ME1: variants seen among roughly 807,000 people sequenced by gnomAD.
ME1 encodes NADP-dependent malic enzyme.
A neutral mutation model predicts 66.4 loss-of-function variants in ME1; 74 were observed. The ratio of observed to expected loss-of-function variants is 1.11; its 90% CI spans 0.92 to 1.35. The LOEUF is 1.35. Among genes scored for constraint, ME1 ranks in the 40% most tolerant of loss-of-function variants. The pLI is 0.00. For synonymous variants in ME1, 251 were observed against 235.6 expected, an observed-to-expected ratio of 1.07 and a Z score of -0.60; for missense variants, 750 against 694.1, an observed-to-expected ratio of 1.08 and a Z score of -0.90.
intron 6 of ME1, among the ~76,000 whole-genome samples, chr6:83,285,890 C>A (rs1325189307): frequency 6.6e-6 from 1 of 152,036 alleles, no homozygotes. Context: ...ACTGAATAAC[C>A]GAGTTTTCCA....
At chr6:83,330,444 C>A (rs1408931255) in intron 5 of ME1, among the ~76,000 whole-genome samples, 1 of 152,060 alleles carries the variant, frequency 6.6e-6, no homozygotes, top group Non-Finnish European at 1.5e-5. Context: ...TTAAAAAGTG[C>A]TAGAAATAAA....
chr6:83,422,265 G>C (rs944372771), intron 1 of ME1, among the ~76,000 whole-genome samples: 2 of 152,150 alleles, frequency 1.3e-5, no homozygotes, highest in African/African-American at 4.8e-5. Context: ...AATACAAACA[G>C]TACTACTGAG....
intron 1 of ME1, among the ~76,000 whole-genome samples, chr6:83,409,029 C>T (rs545222128): frequency 2.0e-5 from 3 of 152,152 alleles, no homozygotes; most frequent in South Asian, 2.1e-4. Context: ...AGGATTATTA[C>T]CCTTATAAAA....
chr6:83,366,894 C>T (rs1211770887), intron 3 of ME1, among the ~76,000 whole-genome samples: 3 of 152,232 alleles, frequency 2.0e-5, no homozygotes, highest in African/African-American at 7.2e-5. Flanking sequence ...TCAATGCCAT[C>T]TAGACTAGTG....
Position 83,352,086 on chromosome 6 carries a change from G to T in ME1, c.416C>A (p.Ala139Glu), listed in dbSNP as rs781313071. The change falls in exon 4 of 14, where the codon GCA (alanine) becomes GAA (glutamate). Residue 139 changes from alanine to glutamate, a missense_variant. Physicochemically the swap from Ala to Glu is moderately radical, Grantham distance 107 (BLOSUM62 -1). Coordinates refer to ENST00000369705, the MANE Select transcript of ME1 (RefSeq NM_002395.6). ...DRGHIASVLN[A>E]WPEDVIKAIV... ...TACCTTGATGACATCTTCTGGCCAT[G>T]CATTGAGAACTGAAGCAATATGCCC... is the stretch of plus-strand genomic sequence containing the variant. The T allele has an allele frequency of 2.5e-6, 4 of 1,596,492 alleles. No homozygotes were observed. The South Asian group carries it at 3.4e-5, about 13-fold the overall frequency.
chr6:83,413,409 T>G lies in ME1; in HGVS notation c.79-5508A>C, dbSNP rs573760764. The stretch of plus-strand genomic sequence containing the variant: ...TCCTTTATGAAAATTTTTTCTTAAT[T>G]TTTTATTTCAAATGAATTATATATA... On this transcript the variant is annotated intron_variant, in intron 1 of 13. Transcript: ENST00000369705. Among the ~76,000 whole-genome samples, 16 of 152,290 alleles carry G rather than the reference T, an allele frequency of 1.1e-4. No homozygotes were observed. In the South Asian group the frequency reaches 3.3e-3, roughly 32 times the overall value.
At chr6:83,352,651 T>G (rs749551860) in intron 3 of ME1, among the ~76,000 whole-genome samples, 1 of 152,198 alleles carries the variant, frequency 6.6e-6, no homozygotes, top group Non-Finnish European at 1.5e-5. Context: ...CTCACTTGAT[T>G]TCTTTGATTT....
intron 3 of ME1, among the ~76,000 whole-genome samples, chr6:83,369,900 G>A (rs1769165490): frequency 6.6e-6 from 1 of 152,044 alleles, no homozygotes; most frequent in Admixed American, 6.6e-5. Context: ...ATTCTTAAAG[G>A]GTCATGAAAG....
intron 3 of ME1, among the ~76,000 whole-genome samples, chr6:83,376,212 A>T (rs969514694): frequency 6.6e-6 from 1 of 152,206 alleles, no homozygotes; most frequent in Admixed American, 6.5e-5. Context: ...AATATTTAAA[A>T]AAAGAGGCCA....
chr6:83,215,740 C>G (rs1241437410), intron 13 of ME1, among the ~76,000 whole-genome samples: 1 of 152,122 alleles, frequency 6.6e-6, no homozygotes. Context: ...CAGAGGAAAC[C>G]AAACCTGCAA....
At chr6:83,424,740 CAA>C in intron 1 of ME1, among the ~76,000 whole-genome samples, 1 of 152,304 alleles carries the variant, frequency 6.6e-6, no homozygotes, top group Non-Finnish European at 1.5e-5. Context: ...GCTGCCACAA[CAA>C]AGCGTCACAC....
chr6:83,212,433 T>A (rs1265799363), intron 13 of ME1, among the ~76,000 whole-genome samples: 1 of 152,146 alleles, frequency 6.6e-6, no homozygotes, highest in Non-Finnish European at 1.5e-5. Context: ...ACCTAAATAG[T>A]CCTGCTAAAC....
chr6:83,237,276 A>AAAGAAAGAGAAAGAAAGG (rs754296141), intron 9 of ME1, among the ~76,000 whole-genome samples: 2 of 73,690 alleles, frequency 2.7e-5, no homozygotes, highest in African/African-American at 1.2e-4. Flanking sequence ...AGAAAGAAAG[A>AAAGAAAGAGAAAGAAAGG]AAGGAAGGAA....
intron 6 of ME1, among the ~76,000 whole-genome samples, chr6:83,264,677 G>A (rs1766956749): frequency 6.6e-6 from 1 of 152,078 alleles, no homozygotes; most frequent in Admixed American, 6.6e-5. Flanking sequence ...CAGATGTGGT[G>A]GAAATAACAA....
intron 2 of ME1, among the ~76,000 whole-genome samples, chr6:83,401,750 G>A (rs1313916911): frequency 2.0e-5 from 3 of 152,262 alleles, no homozygotes; most frequent in East Asian, 3.9e-4. Context: ...CACTCACCAA[G>A]GCCAACCTGG....
intron 3 of ME1, among the ~76,000 whole-genome samples, chr6:83,371,550 G>A (rs776037484): frequency 2.8e-4 from 42 of 152,294 alleles, no homozygotes; most frequent in Middle Eastern, 3.4e-3. Flanking sequence ...AAAAGAAAAT[G>A]TATCAACAGA....
At chr6:83,286,404 A>T (rs1266408511) in intron 6 of ME1, among the ~76,000 whole-genome samples, 6 of 152,146 alleles carry the variant, frequency 3.9e-5, no homozygotes, top group Non-Finnish European at 8.8e-5. Context: ...AGAAAAAATA[A>T]TGCTTCTTTA....
intron 5 of ME1, among the ~76,000 whole-genome samples, chr6:83,345,873 A>T (rs1188745340): frequency 3.3e-5 from 5 of 152,174 alleles, no homozygotes; most frequent in African/African-American, 1.2e-4. Flanking sequence ...TAATAAAAAA[A>T]TAATTTTTAA....
At chr6:83,326,229 C>G (rs1292190339) in intron 5 of ME1, among the ~76,000 whole-genome samples, 1 of 152,204 alleles carries the variant, frequency 6.6e-6, no homozygotes, top group East Asian at 1.9e-4. Flanking sequence ...ACAACTTATA[C>G]AAAAATTAAC....
Sources: gnomAD v4.1 joint callset for allele counts (sites outside exome capture counted in the v4.1 genomes callset) on GRCh38, gnomAD v4.1.1 for gene constraint, MANE v1.5 for transcripts, NCBI Gene and HGNC (gene_info 2026-07-23, HGNC 2026-07-21) for gene names.